The following EBF1 variants were observed in gnomAD, a reference collection of about 807,000 sequenced individuals.
The protein encoded by EBF1 is EBF transcription factor 1.
In EBF1, 10 loss-of-function variants were observed where a neutral mutation model predicts 68.4. That is an observed-to-expected ratio of 0.15 (90% CI 0.09 to 0.25). EBF1 has a LOEUF of 0.25. Ranked by LOEUF, EBF1 falls within the 10% of genes least tolerant of loss-of-function variation. The probability of loss-of-function intolerance (pLI) is 1.00; values close to 1 mark genes in which losing one functional copy is unlikely to be tolerated. For synonymous variants in EBF1, 298 were observed against 299.8 expected (o/e 0.99, Z 0.06); for missense variants, 509 against 794.4 (o/e 0.64, Z 4.32).
At chr5:158,939,970 A>G (rs539964089) in intron 6 of EBF1, among the ~76,000 whole-genome samples, 1 of 152,150 alleles carries the variant, frequency 6.6e-6, no homozygotes, top group South Asian at 2.1e-4. Context: ...ATACACTTAT[A>G]CCCTCTTACC....
At chr5:158,770,846 G>C (rs1773734681) in intron 10 of EBF1, among the ~76,000 whole-genome samples, 1 of 152,116 alleles carries the variant, frequency 6.6e-6, no homozygotes, top group African/African-American at 2.4e-5. Context: ...CAAAAGCGCT[G>C]TTTCTTTCTG....
intron 9 of EBF1, among the ~76,000 whole-genome samples, chr5:158,790,755 C>T (rs1465638469): frequency 2.0e-5 from 3 of 152,156 alleles, no homozygotes; most frequent in South Asian, 4.2e-4. Flanking sequence ...AACACTGTGG[C>T]GTAAGTCTCA....
At chr5:158,779,185 T>G (rs1775912924) in intron 9 of EBF1, among the ~76,000 whole-genome samples, 1 of 152,186 alleles carries the variant, frequency 6.6e-6, no homozygotes, top group Admixed American at 6.5e-5. Flanking sequence ...TGCTGGATAT[T>G]TTACATACAA....
intron 8 of EBF1, among the ~76,000 whole-genome samples, chr5:158,799,906 A>G (rs1780287423): frequency 3.9e-5 from 6 of 152,176 alleles, no homozygotes; most frequent in Admixed American, 3.9e-4. Flanking sequence ...TTTAATGCGT[A>G]GGCCAAACAA....
At chr5:158,745,502 G>A (rs921230301) in intron 10 of EBF1, among the ~76,000 whole-genome samples, 14 of 152,136 alleles carry the variant, frequency 9.2e-5, no homozygotes, top group Non-Finnish European at 1.6e-4. Flanking sequence ...TCTTTGTGTC[G>A]TGTATCTTTA....
chr5:158,706,547 CACACAGTATGT>C (rs1757919386), intron 15 of EBF1, among the ~76,000 whole-genome samples: 1 of 152,172 alleles, frequency 6.6e-6, no homozygotes, highest in Non-Finnish European at 1.5e-5. Flanking sequence ...AAGCATCCAG[CACACAGTATGT>C]GTAGACAAGT....
chr5:158,754,122 G>A (rs560417935), intron 10 of EBF1, among the ~76,000 whole-genome samples: 1 of 152,110 alleles, frequency 6.6e-6, no homozygotes, highest in Admixed American at 6.6e-5. Flanking sequence ...ACTTCTATTA[G>A]TCAAAACTGT....
At chr5:158,790,350 A>C (rs1292511906) in intron 9 of EBF1, among the ~76,000 whole-genome samples, 1 of 152,202 alleles carries the variant, frequency 6.6e-6, no homozygotes, top group Non-Finnish European at 1.5e-5. Flanking sequence ...TCTAATCTGA[A>C]TGATATTCTG....
chr5:158,715,450 TA>T (rs1760450119), intron 11 of EBF1, among the ~76,000 whole-genome samples: 1 of 152,190 alleles, frequency 6.6e-6, no homozygotes, highest in South Asian at 2.1e-4. Flanking sequence ...TTCTCTATAA[TA>T]TAAGATAAAG....
intron 6 of EBF1, among the ~76,000 whole-genome samples, chr5:158,860,486 C>A (rs1794780446): frequency 6.6e-6 from 1 of 152,212 alleles, no homozygotes; most frequent in African/African-American, 2.4e-5. Flanking sequence ...TGACCCCACT[C>A]AGAGTGTAGA....
intron 6 of EBF1, among the ~76,000 whole-genome samples, chr5:158,941,495 T>A (rs1332959170): frequency 6.6e-6 from 1 of 152,154 alleles, no homozygotes; most frequent in South Asian, 2.1e-4. Context: ...CATGCACACA[T>A]TTATCATCAG....
chr5:158,957,951 G>C (rs1817470040), intron 6 of EBF1, among the ~76,000 whole-genome samples: 1 of 152,082 alleles, frequency 6.6e-6, no homozygotes, highest in Non-Finnish European at 1.5e-5. Flanking sequence ...ACGAGGCTTA[G>C]AGGGAAAAAG....
chr5:158,707,727 C>A (rs2127473843), intron 15 of EBF1: 3 of 481,424 alleles, frequency 6.2e-6, no homozygotes, highest in East Asian at 5.9e-5. Flanking sequence ...AAATCCCGGG[C>A]CTGAGCAGAA....
At position 159,084,567 on chromosome 5, in the gene EBF1, G is replaced by T. The variant is rs1259089491; in HGVS notation, c.485+99C>A. 5.3e-6 allele frequency: 5 copies of T among 952,210 alleles called. No homozygotes were observed. The East Asian group carries it at 8.6e-5, about 16-fold the overall frequency. 59.0% of individuals were successfully genotyped at this position (952,210 alleles called of 1,614,324 possible). A position where few individuals can be genotyped will look rare whatever the true frequency, so the allele number is the denominator to read the frequency against. Reference sequence around the variant, plus strand: ...TTGTCTATAGAAGCAAGACAAATGTGTACCAAAAAAAAAAAAAAAGACCAA... The same window carrying T: ...TTGTCTATAGAAGCAAGACAAATGTTTACCAAAAAAAAAAAAAAAGACCAA... On this transcript the variant is annotated intron_variant, in intron 5 of 15. Transcript: ENST00000313708.
chr5:158,910,775 G>C (rs1205711872), intron 6 of EBF1, among the ~76,000 whole-genome samples: 1 of 152,176 alleles, frequency 6.6e-6, no homozygotes, highest in Non-Finnish European at 1.5e-5. Flanking sequence ...ATTGGTGCAG[G>C]ATCTTGGAAA....
intron 5 of EBF1, among the ~76,000 whole-genome samples, chr5:159,078,577 C>T (rs929115113): frequency 2.0e-5 from 3 of 152,220 alleles, no homozygotes; most frequent in Admixed American, 6.5e-5. Context: ...TTTGCTCTCT[C>T]ATGCTGGCAT....
At chr5:158,817,502 C>G (rs982985201) in intron 8 of EBF1, among the ~76,000 whole-genome samples, 1 of 152,140 alleles carries the variant, frequency 6.6e-6, no homozygotes, top group Non-Finnish European at 1.5e-5. Flanking sequence ...TAGGATGATG[C>G]AGCCTGGAAG....
intron 6 of EBF1, among the ~76,000 whole-genome samples, chr5:158,954,188 C>T (rs1816604234): frequency 6.6e-6 from 1 of 151,562 alleles, no homozygotes; most frequent in Non-Finnish European, 1.5e-5. Flanking sequence ...GAGATCTATG[C>T]CCGTGCGGCT....
chr5:159,097,397 G>A (rs1176199669), intron 1 of EBF1: 3 of 507,582 alleles, frequency 5.9e-6, no homozygotes, highest in East Asian at 3.3e-5. Context: ...GGTTTTGCGC[G>A]CGAGATGAAA....
Sources: allele counts gnomAD v4.1 joint callset (sites outside exome capture counted in the v4.1 genomes callset), GRCh38; gene constraint gnomAD v4.1.1; transcripts MANE v1.5; gene names NCBI Gene and HGNC (gene_info 2026-07-23, HGNC 2026-07-21).